TSHR: variants seen among roughly 807,000 people sequenced by gnomAD.
TSHR encodes the protein thyroid stimulating hormone receptor.
TSHR carries 51 observed loss-of-function variants against 64.1 expected under a neutral mutation model. The observed-to-expected ratio is 0.80, with a 90% CI of 0.64 to 1.01. The LOEUF (loss-of-function observed/expected upper bound fraction) is 1.01. Ranked by LOEUF, TSHR falls within the 50% of genes least tolerant of loss-of-function variation. TSHR has a pLI of 0.00. For synonymous variants in TSHR, 361 were observed against 361.9 expected (o/e 1.00, Z 0.03); for missense variants, 877 against 942.8 (o/e 0.93, Z 0.91).
chr14:81,068,316 A>C lies in TSHR; in HGVS notation c.305A>C (p.Lys102Thr). The C allele has an allele frequency of 6.2e-7, 1 of 1,613,078 alleles. No individual in the cohort carries two copies. Residue 102 changes from lysine (K) to threonine (T), a missense_variant, in exon 3 of 10, where the codon AAA (lysine) becomes ACA (threonine). Coordinates refer to ENST00000298171, the MANE Select transcript of TSHR (RefSeq NM_000369.5). Reference protein sequence around the residue: ...LESHSFYNLSKVTHIEIRNTR... With the variant: ...LESHSFYNLSTVTHIEIRNTR... Reference sequence around the variant, plus strand: ...TCACACTCCTTCTACAATTTGAGTAAAGTGACTCACATGTAAGTACAAGGA... The same window carrying C: ...TCACACTCCTTCTACAATTTGAGTACAGTGACTCACATGTAAGTACAAGGA...
chr14:81,035,881 T>A (rs1005293), intron 1 of TSHR, among the ~76,000 whole-genome samples: 22,815 of 130,728 alleles, frequency 0.17, 4,343 homozygotes, highest in African/African-American at 0.54. Context: ...AAAATAAAAA[T>A]AAATAAAAAT....
intron 3 of TSHR, among the ~76,000 whole-genome samples, chr14:81,069,918 A>C (rs61978750): frequency 0.092 from 14,046 of 152,242 alleles, 826 homozygotes; most frequent in East Asian, 0.19. Context: ...TGGCAAGAGA[A>C]AATTTCAGAA....
chr14:80,964,329 T>C (rs552883358), intron 1 of TSHR, among the ~76,000 whole-genome samples: 67 of 152,322 alleles, frequency 4.4e-4, no homozygotes, highest in Non-Finnish European at 6.9e-4. Flanking sequence ...TCCTGGGGCC[T>C]AAGTCTATTC....
chr14:81,025,048 C>A (rs1883974321), intron 1 of TSHR, among the ~76,000 whole-genome samples: 1 of 152,144 alleles, frequency 6.6e-6, no homozygotes, highest in South Asian at 2.1e-4. Flanking sequence ...GCAACAGGAG[C>A]TGGCTATGAC....
chr14:81,062,220 G>GTTTTTTAATATAA lies in TSHR; in HGVS notation c.242+2_242+3insTTTTTAATATAAT, dbSNP rs1886296608. 1.9e-6 allele frequency: 3 copies of GTTTTTTAATATAA among 1,608,980 alleles called. No homozygotes were observed. The highest frequency in any genetic ancestry group is 2.5e-6 in the Non-Finnish European group (3 of 1,176,940). ...CTAATCTGCCCAATATTTCCAGAAT[G>GTTTTTTAATATAA]TAAGTTTTTTTAATATAAAGAAAAG... On this transcript the variant is annotated splice_donor_variant, in intron 2 of 9. Coordinates refer to ENST00000298171, the MANE Select transcript of TSHR (RefSeq NM_000369.5). LOFTEE classifies it high-confidence loss of function.
At chr14:81,067,927 CTATATATATATATATA>C (rs10528934) in intron 2 of TSHR, among the ~76,000 whole-genome samples, 3 of 95,798 alleles carry the variant, frequency 3.1e-5, no homozygotes, top group East Asian at 5.7e-4. Flanking sequence ...CAGGGTGACA[CTATATATATATATATA>C]TATATATATA....
intron 1 of TSHR, chr14:81,001,600 C>A: frequency 3.8e-6 from 2 of 525,154 alleles, no homozygotes; most frequent in Non-Finnish European, 7.6e-6. Context: ...GCACTACCAA[C>A]TCCCCCATTG....
chr14:81,064,154 T>C (rs911738519), intron 2 of TSHR, among the ~76,000 whole-genome samples: 1 of 150,988 alleles, frequency 6.6e-6, no homozygotes, highest in Non-Finnish European at 1.5e-5. Flanking sequence ...TGTAGTGGAG[T>C]GAGGGGTGGA....
chr14:81,063,347 T>C (rs566385170), intron 2 of TSHR, among the ~76,000 whole-genome samples: 40 of 152,268 alleles, frequency 2.6e-4, no homozygotes, highest in Admixed American at 2.2e-3. Context: ...AATTCCTCTA[T>C]ACCCCACTCT....
At position 81,103,770 on chromosome 14, in the gene TSHR, C is replaced by T. The variant is rs1330477573; in HGVS notation, c.615-4605C>T. 1.6e-5 allele frequency: 16 copies of T among 985,358 alleles called. No individual in the cohort carries two copies. The highest frequency in any genetic ancestry group is 1.1e-4 in the East Asian group (1 of 8,832). The allele number at this position is 985,358 out of a possible 1,614,324, so 61.0% of individuals were successfully genotyped here. A position where few individuals can be genotyped will look rare whatever the true frequency, so the allele number is the denominator to read the frequency against. On this transcript the variant is annotated intron_variant, in intron 7 of 9. Transcript: ENST00000298171. The surrounding 1 kb of genome is among the most constrained non-coding windows in gnomAD (Gnocchi z 4.1). ...GAATTTCTTTTCCATCCTCTTTCCACGCAATCTGCGTGGGGATATGTTGCT... is the reference window on the plus strand; with the variant it reads ...GAATTTCTTTTCCATCCTCTTTCCATGCAATCTGCGTGGGGATATGTTGCT...
intron 8 of TSHR, among the ~76,000 whole-genome samples, chr14:81,110,614 C>T (rs1890184291): frequency 6.6e-6 from 1 of 152,128 alleles, no homozygotes; most frequent in Non-Finnish European, 1.5e-5. Flanking sequence ...GGTTTAAAAT[C>T]CATGTGTATA....
intron 1 of TSHR, among the ~76,000 whole-genome samples, chr14:81,022,218 C>A (rs1345381540): frequency 2.0e-5 from 3 of 151,834 alleles, no homozygotes; most frequent in African/African-American, 4.8e-5. Context: ...TGCAGTGAGC[C>A]GAGATAGTGC....
At chr14:81,094,989 A>G (rs1290701091) in intron 6 of TSHR, among the ~76,000 whole-genome samples, 1 of 152,194 alleles carries the variant, frequency 6.6e-6, no homozygotes, top group African/African-American at 2.4e-5. Context: ...TCATCCAGCT[A>G]TTAAGTGGCA....
intron 1 of TSHR, among the ~76,000 whole-genome samples, chr14:81,005,240 T>TGC (rs1434176873): frequency 5.2e-5 from 6 of 115,460 alleles, no homozygotes; most frequent in African/African-American, 1.8e-4. Flanking sequence ...TGTGTGTGTG[T>TGC]GCACGCACGC....
At chr14:81,015,600 G>T (rs1437198206) in intron 1 of TSHR, among the ~76,000 whole-genome samples, 1 of 152,042 alleles carries the variant, frequency 6.6e-6, no homozygotes, top group Non-Finnish European at 1.5e-5. Flanking sequence ...ATTTACATAT[G>T]CATTACCTTA....
intron 2 of TSHR, among the ~76,000 whole-genome samples, chr14:81,067,940 T>TATATATATATATAC (rs1886765184): frequency 7.2e-6 from 1 of 138,594 alleles, no homozygotes; most frequent in African/African-American, 2.9e-5. Context: ...TATATATATA[T>TATATATATATATAC]ATATATATAT....
chr14:81,016,789 C>A (rs1430745283), intron 1 of TSHR, among the ~76,000 whole-genome samples: 1 of 152,024 alleles, frequency 6.6e-6, no homozygotes, highest in Non-Finnish European at 1.5e-5. Flanking sequence ...GATTTTTAAT[C>A]CATTTTGAGT....
intron 3 of TSHR, 101 bp downstream of exon 3, chr14:81,068,429 G>A: frequency 9.6e-7 from 1 of 1,036,382 alleles, no homozygotes; most frequent in Non-Finnish European, 1.5e-6. Context: ...TCTTGATTGT[G>A]AGTCAAAACT....
chr14:81,044,216 C>A (rs1387257440), intron 1 of TSHR, among the ~76,000 whole-genome samples: 1 of 152,008 alleles, frequency 6.6e-6, no homozygotes, highest in Non-Finnish European at 1.5e-5. Context: ...CCAGAATCTA[C>A]AAGGAACTTA....
Sources: allele counts gnomAD v4.1 joint callset (sites outside exome capture counted in the v4.1 genomes callset), GRCh38; gene constraint gnomAD v4.1.1; non-coding constraint Gnocchi (gnomAD v3.1); transcripts MANE v1.5; gene names NCBI Gene and HGNC (gene_info 2026-07-23, HGNC 2026-07-21).